ST6GALNAC5: variants seen among roughly 807,000 people sequenced by gnomAD.
ST6GALNAC5 encodes the protein ST6 N-acetylgalactosaminide alpha-2,6-sialyltransferase 5.
Under a neutral mutation model 33.6 loss-of-function variants are expected in ST6GALNAC5, and 27 were observed. The ratio of observed to expected loss-of-function variants is 0.80; its 90% CI spans 0.59 to 1.11. The LOEUF (loss-of-function observed/expected upper bound fraction) is 1.11. Ranked by LOEUF, ST6GALNAC5 falls within the 50% of genes least tolerant of loss-of-function variation. The pLI is 0.00. For synonymous variants in ST6GALNAC5, 194 were observed against 171.2 expected, an observed-to-expected ratio of 1.13 and a Z score of -1.04; for missense variants, 428 against 454.0, an observed-to-expected ratio of 0.94 and a Z score of 0.52.
intron 2 of ST6GALNAC5, among the ~76,000 whole-genome samples, chr1:77,034,073 C>T (rs779105345): frequency 2.6e-5 from 4 of 152,072 alleles, no homozygotes; most frequent in Non-Finnish European, 4.4e-5. Context: ...TTAGGGCTAC[C>T]AGAATAAATT....
intron 2 of ST6GALNAC5, among the ~76,000 whole-genome samples, chr1:76,897,206 A>G (rs1654165631): frequency 6.6e-6 from 1 of 152,156 alleles, no homozygotes; most frequent in African/African-American, 2.4e-5. Context: ...GTGAAAGCAA[A>G]GAAAGGCTGG....
intron 2 of ST6GALNAC5, among the ~76,000 whole-genome samples, chr1:76,890,790 C>A (rs1273090479): frequency 2.0e-5 from 3 of 151,892 alleles, no homozygotes; most frequent in Non-Finnish European, 4.4e-5. Context: ...CTAGAGATAG[C>A]ATAACCATTA....
chr1:77,000,168 T>G (rs1156448748), intron 2 of ST6GALNAC5, among the ~76,000 whole-genome samples: 2 of 91,194 alleles, frequency 2.2e-5, no homozygotes, highest in Non-Finnish European at 2.6e-5. Context: ...TCCTGACTTT[T>G]TAATGATTGC....
intron 2 of ST6GALNAC5, among the ~76,000 whole-genome samples, chr1:77,034,216 C>T (rs1403783249): frequency 5.3e-5 from 8 of 152,116 alleles, no homozygotes. Flanking sequence ...TTCCTTGCAT[C>T]TTCCAGCTTC....
At chr1:77,036,037 A>C (rs6702799) in intron 2 of ST6GALNAC5, among the ~76,000 whole-genome samples, 11,449 of 152,262 alleles carry the variant, frequency 0.075, 637 homozygotes, top group African/African-American at 0.15. Context: ...TGAATAAACA[A>C]AATGTGGTAT....
rs1202944631 is a variant in ST6GALNAC5 at position 77,044,539 on chromosome 1, G to A, written c.597G>A (p.Leu199=). ...LHLLSQVLPR[L]KAFMITRHKM... The stretch of plus-strand genomic sequence containing the variant: ...TCCTGAGCCAGGTGCTGCCCCGGCT[G>A]AAGGCCTTCATGATTACTCGCCACA... The change falls in exon 3 of 5, where the codon CTG becomes CTA. Residue 199 remains leucine (L), a synonymous_variant. Coordinates refer to ENST00000477717, the MANE Select transcript of ST6GALNAC5 (RefSeq NM_030965.3). 16 of 1,607,678 alleles carry A rather than the reference G, an allele frequency of 1.0e-5. No homozygotes were observed. The highest frequency in any genetic ancestry group is 2.2e-5 in the South Asian group (2 of 90,198).
intron 2 of ST6GALNAC5, among the ~76,000 whole-genome samples, chr1:76,970,273 G>A (rs142058720): frequency 6.6e-6 from 1 of 152,128 alleles, no homozygotes; most frequent in African/African-American, 2.4e-5. Context: ...AAAGGAGGAT[G>A]TTCGAATCCA....
intron 2 of ST6GALNAC5, among the ~76,000 whole-genome samples, chr1:76,998,790 C>T (rs1650034906): frequency 6.6e-6 from 1 of 152,162 alleles, no homozygotes; most frequent in South Asian, 2.1e-4. Flanking sequence ...ATGAAACTCT[C>T]TTTTGTAATT....
intron 2 of ST6GALNAC5, among the ~76,000 whole-genome samples, chr1:76,939,946 G>A (rs971206336): frequency 1.3e-5 from 2 of 151,966 alleles, no homozygotes; most frequent in African/African-American, 2.4e-5. Context: ...CTTTAAAACC[G>A]GAATAATCAT....
At chr1:76,944,552 A>T (rs1522614) in intron 2 of ST6GALNAC5, among the ~76,000 whole-genome samples, 4,064 of 152,124 alleles carry the variant, frequency 0.027, 180 homozygotes, top group African/African-American at 0.092. Flanking sequence ...TTTTTGTTTA[A>T]TGTGGCATCC....
chr1:76,902,106 A>G (rs1203197801), intron 2 of ST6GALNAC5, among the ~76,000 whole-genome samples: 3 of 152,186 alleles, frequency 2.0e-5, no homozygotes, highest in Non-Finnish European at 2.9e-5. Context: ...GAAAGGGGCC[A>G]TGAACTTACA....
intron 2 of ST6GALNAC5, among the ~76,000 whole-genome samples, chr1:76,999,720 T>A (rs1303319015): frequency 7.0e-6 from 1 of 142,600 alleles, no homozygotes; most frequent in African/African-American, 2.6e-5. Context: ...AATTCCCACC[T>A]ATGAGTGAGA....
chr1:76,891,055 A>G (rs1279061094), intron 2 of ST6GALNAC5, among the ~76,000 whole-genome samples: 1 of 152,190 alleles, frequency 6.6e-6, no homozygotes, highest in Non-Finnish European at 1.5e-5. Context: ...TGGAAGTACA[A>G]GTTTGTGTAG....
chr1:76,915,875 CA>C (rs527844179), intron 2 of ST6GALNAC5, among the ~76,000 whole-genome samples: 5,413 of 139,072 alleles, frequency 0.039, 334 homozygotes, highest in African/African-American at 0.13. Flanking sequence ...TGAAAAATAA[CA>C]AAAAAAAAAC....
intron 2 of ST6GALNAC5, among the ~76,000 whole-genome samples, chr1:76,996,098 G>A (rs1649928482): frequency 6.6e-6 from 1 of 152,210 alleles, no homozygotes; most frequent in African/African-American, 2.4e-5. Context: ...CCCCATACCA[G>A]TCTGTAGAAG....
At chr1:77,012,570 G>C (rs2100425403) in intron 2 of ST6GALNAC5, among the ~76,000 whole-genome samples, 1 of 152,226 alleles carries the variant, frequency 6.6e-6, no homozygotes, top group East Asian at 1.9e-4. Flanking sequence ...GCACTGACAG[G>C]GAAAGACAGG....
At chr1:76,920,327 G>A (rs1415207841) in intron 2 of ST6GALNAC5, among the ~76,000 whole-genome samples, 1 of 152,104 alleles carries the variant, frequency 6.6e-6, no homozygotes, top group East Asian at 1.9e-4. Flanking sequence ...AATCAGTCTC[G>A]TTATTCTTTG....
rs574428902 is a variant in ST6GALNAC5, at chr1:76,940,151, G to A, written c.261+71409G>A. On this transcript the variant is annotated intron_variant, in intron 2 of 4. Coordinates refer to ENST00000477717, the MANE Select transcript of ST6GALNAC5 (RefSeq NM_030965.3). ...ATTTAATTATGAGTGTTTAATAAAC[G>A]CTATAATTACTGGACACGACTCTAA... 1.0e-3 allele frequency among the ~76,000 whole-genome samples: 158 copies of A among 152,094 alleles called. 1 individual carries two copies. Among genetic ancestry groups the A allele is most frequent in the Middle Eastern group, 6.8e-3 (2 of 294 alleles).
chr1:76,956,771 G>A (rs919467310), intron 2 of ST6GALNAC5, among the ~76,000 whole-genome samples: 1 of 152,092 alleles, frequency 6.6e-6, no homozygotes, highest in East Asian at 1.9e-4. Flanking sequence ...CAAAAATCTG[G>A]TAGTTTTACA....
Sources: allele counts gnomAD v4.1 joint callset (sites outside exome capture counted in the v4.1 genomes callset), GRCh38; gene constraint gnomAD v4.1.1; transcripts MANE v1.5; gene names NCBI Gene and HGNC (gene_info 2026-07-23, HGNC 2026-07-21).